NAT1: variants seen among roughly 807,000 people sequenced by gnomAD.
NAT1 encodes arylamine N-acetyltransferase 1.
For missense variants in NAT1, 400 were observed against 339.2 expected (o/e 1.18, Z -1.41); for synonymous variants, 144 against 122.6 (o/e 1.17, Z -1.16).
chr8:18,221,189 A>G (rs1011563608), intron 2 of NAT1, among the ~76,000 whole-genome samples: 2 of 152,060 alleles, frequency 1.3e-5, no homozygotes, highest in Admixed American at 1.3e-4. Flanking sequence ...CGCTCAAGGC[A>G]GTTTCCAGCT....
chr8:18,209,859 C>T (rs1803910112), upstream of NAT1: 1 of 152,158 alleles, frequency 6.6e-6, no homozygotes, highest in Non-Finnish European at 1.5e-5. Flanking sequence ...GTGTCAGGCT[C>T]CCAGAGAGCA....
At chr8:18,188,187 A>C (rs1259984893) in intron 2 of NAT1, among the ~76,000 whole-genome samples, 1 of 152,232 alleles carries the variant, frequency 6.6e-6, no homozygotes, top group Non-Finnish European at 1.5e-5. Flanking sequence ...TATGTATGTG[A>C]TTTCACAAGT....
rs186359263 is a variant in NAT1 at position 18,218,103 on chromosome 8, G to A, written c.-85-1308G>A. 8.9e-4 allele frequency among the ~76,000 whole-genome samples: 135 copies of A among 152,246 alleles called. 2 individuals carry two copies. Among genetic ancestry groups the A allele is most frequent in the Admixed American group, 5.0e-3 (76 of 15,286 alleles). ...TGGGGAAGCTAAAAGGAGTTTTACCGTTTCCTGCTCTTTATTCCAGTGTTT... is the reference window on the plus strand; with the variant it reads ...TGGGGAAGCTAAAAGGAGTTTTACCATTTCCTGCTCTTTATTCCAGTGTTT... On this transcript the variant is annotated intron_variant, in intron 1 of 2. Coordinates refer to ENST00000307719, the MANE Select transcript of NAT1 (RefSeq NM_000662.8).
At chr8:18,212,998 G>A (rs1374831506) in intron 1 of NAT1, among the ~76,000 whole-genome samples, 2 of 150,956 alleles carry the variant, frequency 1.3e-5, no homozygotes, top group African/African-American at 2.4e-5. Flanking sequence ...TCCACCTCCC[G>A]GGTTCAAGTG....
intron 2 of NAT1, among the ~76,000 whole-genome samples, chr8:18,193,019 A>G (rs1199341054): frequency 6.6e-6 from 1 of 151,066 alleles, no homozygotes; most frequent in Non-Finnish European, 1.5e-5. Context: ...AAAATAAACA[A>G]CAACAACAAC....
chr8:18,197,209 G>T (rs777264617), intron 2 of NAT1, among the ~76,000 whole-genome samples: 1 of 152,166 alleles, frequency 6.6e-6, no homozygotes, highest in Non-Finnish European at 1.5e-5. Context: ...CTGACATGTG[G>T]AGATTACAGT....
At chr8:18,198,525 A>C (rs1803329761) in intron 2 of NAT1, among the ~76,000 whole-genome samples, 2 of 152,222 alleles carry the variant, frequency 1.3e-5, no homozygotes, top group Non-Finnish European at 2.9e-5. Flanking sequence ...AATAAACACT[A>C]TTTCTGAAAA....
chr8:18,183,379 G>A lies in NAT1; in HGVS notation n.92+12640G>A, dbSNP rs73589910. On this transcript the variant is annotated intron_variant and non_coding_transcript_variant, in intron 2 of 4. Transcript: ENST00000517441. ...CTGGCTGTGGTCCCCCAAAACTCAC[G>A]TCCTCGCATATAAAATACATTAATT... 9.3e-3 allele frequency among the ~76,000 whole-genome samples: 1,420 copies of A among 152,198 alleles called. 32 individuals carry two copies. The highest frequency in any genetic ancestry group is 0.033 in the African/African-American group (1,352 of 41,522).
At chr8:18,184,728 G>A (rs752867469) in intron 2 of NAT1, among the ~76,000 whole-genome samples, 40 of 152,288 alleles carry the variant, frequency 2.6e-4, no homozygotes, top group Non-Finnish European at 4.3e-4. Context: ...GGCCTCTCCA[G>A]TCTATGAATG....
chr8:18,182,479 G>C (rs1802559306), intron 2 of NAT1, among the ~76,000 whole-genome samples: 2 of 152,098 alleles, frequency 1.3e-5, no homozygotes, highest in Admixed American at 6.6e-5. Flanking sequence ...ATCCACCTAG[G>C]ATTGATTTTT....
chr8:18,206,742 A>G (rs1042519763), upstream of NAT1, among the ~76,000 whole-genome samples: 2 of 151,688 alleles, frequency 1.3e-5, no homozygotes, highest in African/African-American at 2.4e-5. Flanking sequence ...GATTGCAAAA[A>G]TTTTCTCCCA....
chr8:18,207,213 T>C (rs999623202), upstream of NAT1, among the ~76,000 whole-genome samples: 1 of 152,208 alleles, frequency 6.6e-6, no homozygotes, highest in South Asian at 2.1e-4. Context: ...AGTTTCTCTA[T>C]TCTGTTACAT....
At chr8:18,189,747 A>G (rs1802903080) in intron 2 of NAT1, among the ~76,000 whole-genome samples, 1 of 152,142 alleles carries the variant, frequency 6.6e-6, no homozygotes, top group South Asian at 2.1e-4. Flanking sequence ...GAAGTCACAG[A>G]GTTCTGTGGT....
intron 2 of NAT1, among the ~76,000 whole-genome samples, chr8:18,189,902 G>A (rs1802911290): frequency 6.6e-6 from 1 of 152,156 alleles, no homozygotes; most frequent in African/African-American, 2.4e-5. Context: ...CGATTCTCCT[G>A]CCTCAGCCTC....
intron 1 of NAT1, among the ~76,000 whole-genome samples, chr8:18,210,580 G>A (rs1212823315): frequency 6.6e-6 from 1 of 152,186 alleles, no homozygotes; most frequent in Non-Finnish European, 1.5e-5. Flanking sequence ...TTCCCTCTTG[G>A]TTACTTGTAA....
chr8:18,186,498 A>T (rs1802741971), intron 2 of NAT1, among the ~76,000 whole-genome samples: 1 of 152,090 alleles, frequency 6.6e-6, no homozygotes, highest in African/African-American at 2.4e-5. Flanking sequence ...ACACATATGT[A>T]AGTAGCATAT....
At chr8:18,198,221 T>G (rs1803314444) in intron 2 of NAT1, among the ~76,000 whole-genome samples, 1 of 152,118 alleles carries the variant, frequency 6.6e-6, no homozygotes, top group Non-Finnish European at 1.5e-5. Context: ...AAGTGAAACA[T>G]GAAAGATTCA....
At chr8:18,205,096 G>A (rs1037812293) in intron 2 of NAT1, among the ~76,000 whole-genome samples, 2 of 152,210 alleles carry the variant, frequency 1.3e-5, no homozygotes, top group Non-Finnish European at 2.9e-5. Context: ...ACTACACTCC[G>A]ATGGGTGGTG....
intron 2 of NAT1, among the ~76,000 whole-genome samples, chr8:18,193,892 C>T (rs554275205): frequency 9.2e-5 from 14 of 152,124 alleles, no homozygotes; most frequent in South Asian, 6.2e-4. Context: ...CCATCTGCCT[C>T]GGCCTCCCAA....
Sources: allele counts gnomAD v4.1 joint callset (sites outside exome capture counted in the v4.1 genomes callset), GRCh38; gene constraint gnomAD v4.1.1; transcripts MANE v1.5; gene names NCBI Gene and HGNC (gene_info 2026-07-23, HGNC 2026-07-21).